ZC3HAV1: variants seen among roughly 807,000 people sequenced by gnomAD.
The protein encoded by ZC3HAV1 is zinc finger CCCH-type antiviral protein 1.
In ZC3HAV1, 41 loss-of-function variants were observed where a neutral mutation model predicts 86.6. The ratio of observed to expected loss-of-function variants is 0.47; its 90% CI spans 0.37 to 0.61. The LOEUF is 0.61. Ranked by LOEUF, ZC3HAV1 falls within the 20% of genes least tolerant of loss-of-function variation. The probability of loss-of-function intolerance (pLI) is 0.00; values close to 1 mark genes in which losing one functional copy is unlikely to be tolerated. For missense variants in ZC3HAV1, 964 were observed against 1,141.1 expected, an observed-to-expected ratio of 0.84 and a Z score of 2.24; for synonymous variants, 421 against 432.1, an observed-to-expected ratio of 0.97 and a Z score of 0.32.
intron 1 of ZC3HAV1, among the ~76,000 whole-genome samples, chr7:139,103,933 T>C (rs546971882): frequency 6.6e-6 from 1 of 152,258 alleles, no homozygotes; most frequent in East Asian, 1.9e-4. Flanking sequence ...GAGGAAATTA[T>C]AAAATCATGG....
intron 9 of ZC3HAV1, among the ~76,000 whole-genome samples, chr7:139,059,098 G>T (rs1816373961): frequency 6.6e-6 from 1 of 152,150 alleles, no homozygotes; most frequent in Admixed American, 6.5e-5. Context: ...TGTAACGATT[G>T]TAACGAATGG....
chr7:139,107,480 C>T (rs969957468), intron 1 of ZC3HAV1, among the ~76,000 whole-genome samples: 2 of 152,138 alleles, frequency 1.3e-5, no homozygotes, highest in African/African-American at 4.8e-5. Flanking sequence ...GGGTGAGTGA[C>T]TGGAGTTTTT....
intron 5 of ZC3HAV1, among the ~76,000 whole-genome samples, chr7:139,076,697 G>C (rs1816961993): frequency 6.6e-6 from 1 of 152,076 alleles, no homozygotes. Flanking sequence ...TTCACAACCA[G>C]CCTAGCCAAC....
At chr7:139,072,780 A>T (rs1816818006) in intron 7 of ZC3HAV1, among the ~76,000 whole-genome samples, 1 of 152,152 alleles carries the variant, frequency 6.6e-6, no homozygotes, top group South Asian at 2.1e-4. Context: ...ATGTGGTTTC[A>T]CTGCTTGAGT....
intron 2 of ZC3HAV1, among the ~76,000 whole-genome samples, chr7:139,085,863 A>G (rs1444724601): frequency 1.3e-5 from 2 of 151,918 alleles, no homozygotes; most frequent in Non-Finnish European, 2.9e-5. Flanking sequence ...AAATACAAAA[A>G]ATTATCCGGG....
At position 139,109,170 on chromosome 7, in the gene ZC3HAV1, G is replaced by T. The variant is rs751901605; in HGVS notation, c.162C>A (p.Thr54=). Residue 54 remains threonine, a synonymous_variant, in exon 1 of 13, where the codon ACC becomes ACA. Transcript: ENST00000242351. The part of the protein sequence containing the change: ...AGPDRFVVLE[T]GGEAGITRSV... ...ATCGGGTGATCCCGGCCTCGCCGCC[G>T]GTCTCCAACACCACAAAGCGGTCGG... The T allele has an allele frequency of 2.5e-6, 4 of 1,600,694 alleles. No individual in the cohort carries two copies. The highest frequency in any genetic ancestry group is 1.7e-4 in the Middle Eastern group (1 of 6,058).
chr7:139,097,429 T>TATATATATATATATA (rs1491244234), intron 1 of ZC3HAV1, among the ~76,000 whole-genome samples: 51 of 56,748 alleles, frequency 9.0e-4, no homozygotes, highest in African/African-American at 3.1e-3. Flanking sequence ...TATATATATA[T>TATATATATATATATA]TTTTTTTTTT....
At chr7:139,083,639 A>G in intron 3 of ZC3HAV1, 141 bp downstream of exon 3, 1 of 1,169,258 alleles carries the variant, frequency 8.6e-7, no homozygotes, top group Non-Finnish European at 1.2e-6. Flanking sequence ...AGGCAGGAGA[A>G]TCACTTGAAC....
intron 3 of ZC3HAV1, among the ~76,000 whole-genome samples, chr7:139,081,963 C>T (rs781549660): frequency 6.6e-6 from 1 of 152,184 alleles, no homozygotes; most frequent in Non-Finnish European, 1.5e-5. Context: ...TATGAAAATG[C>T]TTCAGAAATA....
At position 139,090,109 on chromosome 7, in the gene ZC3HAV1, C is replaced by A. The variant is rs190948525; in HGVS notation, c.309-350G>T. On this transcript the variant is annotated intron_variant, in intron 1 of 12. Coordinates refer to ENST00000242351, the MANE Select transcript of ZC3HAV1 (RefSeq NM_020119.4). ...TAATTTTTTGTATTTTTAGTAGAGACGGGGTTTCACCATGTTAGCCAGGCT... is the reference window on the plus strand; with the variant it reads ...TAATTTTTTGTATTTTTAGTAGAGAAGGGGTTTCACCATGTTAGCCAGGCT... Among the ~76,000 whole-genome samples, 273 of 151,902 alleles carry A rather than the reference C, an allele frequency of 1.8e-3. 1 individual carries two copies. Among genetic ancestry groups the A allele is most frequent in the Middle Eastern group, 0.01 (3 of 294 alleles).
intron 2 of ZC3HAV1, among the ~76,000 whole-genome samples, chr7:139,084,980 T>C (rs954997252): frequency 5.3e-5 from 8 of 152,196 alleles, no homozygotes; most frequent in African/African-American, 1.9e-4. Flanking sequence ...GGATAATCGC[T>C]AAAACCTGAT....
rs967078072 is a variant in ZC3HAV1 at position 139,082,196 on chromosome 7, C to T, written c.697+1584G>A. 5.9e-5 allele frequency among the ~76,000 whole-genome samples: 9 copies of T among 151,900 alleles called. No homozygotes were observed. In the East Asian group the frequency reaches 7.7e-4, roughly 13 times the overall value. On this transcript the variant is annotated intron_variant, in intron 3 of 12. Transcript: ENST00000242351. ...AGAAGAATCACTTGAACCCAGGAGG[C>T]GGCCGGCCATTGCAGTGAGCCGAGG...
chr7:139,053,963 A>G lies in ZC3HAV1; in HGVS notation c.2318+2T>C. 1.2e-6 allele frequency: 2 copies of G among 1,603,486 alleles called. No homozygotes were observed. The highest frequency in any genetic ancestry group is 1.7e-6 in the Non-Finnish European group (2 of 1,177,654). On this transcript the variant is annotated splice_donor_variant, in intron 11 of 12. Transcript: ENST00000242351. LOFTEE classifies it high-confidence loss of function. ...AAGAAACACGATAACGTGGCCACCA[A>G]CCATGTAAATTTATCCAGGAGCTCT...
chr7:139,058,054 T>C (rs1341337731), intron 9 of ZC3HAV1, among the ~76,000 whole-genome samples: 1 of 152,050 alleles, frequency 6.6e-6, no homozygotes, highest in Admixed American at 6.5e-5. Flanking sequence ...TGTCCCACTG[T>C]AGTTCAGGAT....
At chr7:139,069,303 C>A (rs1270147553) in intron 7 of ZC3HAV1, among the ~76,000 whole-genome samples, 1 of 152,184 alleles carries the variant, frequency 6.6e-6, no homozygotes, top group Non-Finnish European at 1.5e-5. Flanking sequence ...CCCCACAAGA[C>A]TTGAATTTAT....
chr7:139,103,839 A>C (rs937030724), intron 1 of ZC3HAV1, among the ~76,000 whole-genome samples: 2 of 152,234 alleles, frequency 1.3e-5, no homozygotes, highest in Non-Finnish European at 2.9e-5. Flanking sequence ...AGCAATATGA[A>C]TAGATCTCCA....
chr7:139,098,235 G>A (rs149294214), intron 1 of ZC3HAV1, among the ~76,000 whole-genome samples: 4 of 152,094 alleles, frequency 2.6e-5, no homozygotes, highest in East Asian at 3.9e-4. Flanking sequence ...CATGGCGCCC[G>A]GCCTCCATAC....
chr7:139,078,760 C>A, intron 4 of ZC3HAV1, 107 bp from the exon 5 acceptor site: 1 of 872,530 alleles, frequency 1.1e-6, no homozygotes, highest in South Asian at 2.0e-5. Context: ...GGGCCATGTT[C>A]AAGAAAATTC....
At position 139,108,598 on chromosome 7, in the gene ZC3HAV1, C is replaced by A. The variant is rs968841739; in HGVS notation, c.308+426G>T. On this transcript the variant is annotated intron_variant, in intron 1 of 12. Coordinates refer to ENST00000242351, the MANE Select transcript of ZC3HAV1 (RefSeq NM_020119.4). This position sits in a 1 kb window ranked among gnomAD's most constrained non-coding sequence, Gnocchi z 4.2. ...GGCGGCTGGGTTACTGGCTCCGCCA[C>A]GTCTAGGGAAGGAGGTAGTAGGGAG... 3.3e-5 allele frequency among the ~76,000 whole-genome samples: 5 copies of A among 152,174 alleles called. No individual in the cohort carries two copies. Among genetic ancestry groups the A allele is most frequent in the Non-Finnish European group, 7.3e-5 (5 of 68,028 alleles).
Sources: allele counts gnomAD v4.1 joint callset (sites outside exome capture counted in the v4.1 genomes callset), GRCh38; gene constraint gnomAD v4.1.1; non-coding constraint Gnocchi (gnomAD v3.1); transcripts MANE v1.5; gene names NCBI Gene and HGNC (gene_info 2026-07-23, HGNC 2026-07-21).